GRAMD1C: variants seen among roughly 807,000 people sequenced by gnomAD.
GRAMD1C encodes the protein protein Aster-C.
A neutral mutation model predicts 97.8 loss-of-function variants in GRAMD1C; 89 were observed. The observed-to-expected ratio is 0.91, with a 90% CI of 0.77 to 1.09. GRAMD1C has a LOEUF of 1.09. GRAMD1C is among the 50% of genes least tolerant of loss of function. The probability of loss-of-function intolerance (pLI) is 0.00; values close to 1 mark genes in which losing one functional copy is unlikely to be tolerated. For missense variants in GRAMD1C, 740 were observed against 766.4 expected, an observed-to-expected ratio of 0.97 and a Z score of 0.41; for synonymous variants, 256 against 267.0, an observed-to-expected ratio of 0.96 and a Z score of 0.40.
intron 6 of GRAMD1C, chr3:113,885,733 A>G (rs1577163954): frequency 6.4e-7 from 1 of 1,565,618 alleles, no homozygotes; most frequent in East Asian, 2.2e-5. Flanking sequence ...GGTAAACTGG[A>G]CAATAGCAGA....
intron 2 of GRAMD1C, among the ~76,000 whole-genome samples, chr3:113,852,687 G>A (rs900449610): frequency 3.3e-5 from 5 of 152,188 alleles, no homozygotes; most frequent in African/African-American, 9.7e-5. Flanking sequence ...GTACCCGTGA[G>A]GAATTTGCTC....
intron 2 of GRAMD1C, among the ~76,000 whole-genome samples, chr3:113,865,724 C>T (rs928438898): frequency 6.6e-6 from 1 of 152,160 alleles, no homozygotes; most frequent in East Asian, 1.9e-4. Flanking sequence ...GACCTCCTCA[C>T]TGTATTATCA....
chr3:113,852,110 A>C (rs1933935323), intron 2 of GRAMD1C, among the ~76,000 whole-genome samples: 1 of 151,822 alleles, frequency 6.6e-6, no homozygotes, highest in African/African-American at 2.4e-5. Context: ...GTGGGGAATA[A>C]AACTGATTTT....
rs1034056871 is a variant in GRAMD1C at position 113,849,213 on chromosome 3, C to G, written c.174+4564C>G. Among the ~76,000 whole-genome samples, 59 of 151,928 alleles carry G rather than the reference C, an allele frequency of 3.9e-4. 2 individuals are homozygous for G. Among genetic ancestry groups the G allele is most frequent in the Non-Finnish European group, 1.3e-4 (9 of 67,980 alleles). On this transcript the variant is annotated intron_variant, in intron 2 of 17. Transcript: ENST00000358160. ...TTGTGTGTGTTCAGAAGATGACATA[C>G]TTACCTGGGATTTTTTAATAGAAGT... is the stretch of plus-strand genomic sequence containing the variant.
In GRAMD1C at chr3:113,885,878, C is replaced by G. The variant is rs985614877; in HGVS notation, c.540+3046C>G. 5 of 1,612,368 alleles carry G rather than the reference C, an allele frequency of 3.1e-6. No homozygotes were observed. In the African/African-American group the frequency reaches 6.7e-5, roughly 22 times the overall value. Reference sequence around the variant, plus strand: ...ATAACTCCCTAGGGGCTTACAGGAGCCATCCAGACAATGCCATCCCCATCA... The same window carrying G: ...ATAACTCCCTAGGGGCTTACAGGAGGCATCCAGACAATGCCATCCCCATCA... On this transcript the variant is annotated intron_variant, in intron 6 of 17. Transcript: ENST00000358160.
Position 113,838,834 on chromosome 3 carries a change from C to A in GRAMD1C, c.-76C>A. On this transcript the variant is annotated 5_prime_UTR_variant, in exon 1 of 18. Coordinates refer to ENST00000358160, the MANE Select transcript of GRAMD1C (RefSeq NM_017577.5). ...GGCGCGCGGAGCCTGTAACTCGCAG[C>A]GCGCGCTGGAGGTGGGCGCGGGGCG... 1 of 1,098,650 alleles carries A rather than the reference C, an allele frequency of 9.1e-7. No individual in the cohort carries two copies. The highest frequency in any genetic ancestry group is 1.2e-6 in the Non-Finnish European group (1 of 868,676). 68.1% of individuals were successfully genotyped at this position (1,098,650 alleles called of 1,614,324 possible). A position where few individuals can be genotyped will look rare whatever the true frequency, so the allele number is the denominator to read the frequency against.
chr3:113,918,327 C>G (rs558704728), intron 10 of GRAMD1C, among the ~76,000 whole-genome samples: 2 of 152,276 alleles, frequency 1.3e-5, no homozygotes, highest in South Asian at 4.1e-4. Context: ...GAACTGGATA[C>G]ATTATTTCCC....
At chr3:113,875,169 C>T (rs1934977696) in intron 3 of GRAMD1C, among the ~76,000 whole-genome samples, 1 of 152,098 alleles carries the variant, frequency 6.6e-6, no homozygotes. Flanking sequence ...CTGATGCACA[C>T]TCTCTGCCCT....
upstream of GRAMD1C, among the ~76,000 whole-genome samples, chr3:113,836,441 G>T (rs1041332624): frequency 1.1e-4 from 16 of 151,556 alleles, no homozygotes; most frequent in Admixed American, 3.3e-4. Flanking sequence ...AATAATTAAC[G>T]TTTCGCTATT....
At chr3:113,932,029 C>T (rs1300135101) in intron 11 of GRAMD1C, among the ~76,000 whole-genome samples, 1 of 152,164 alleles carries the variant, frequency 6.6e-6, no homozygotes, top group Non-Finnish European at 1.5e-5. Flanking sequence ...TAGATGGCTG[C>T]TTTGACACAT....
chr3:113,899,729 G>C (rs1936085810), intron 6 of GRAMD1C, among the ~76,000 whole-genome samples: 1 of 152,046 alleles, frequency 6.6e-6, no homozygotes, highest in African/African-American at 2.4e-5. Context: ...TTTTTCAACT[G>C]GAGGCCATTA....
intron 4 of GRAMD1C, chr3:113,875,941 T>C: frequency 2.2e-6 from 1 of 452,652 alleles, no homozygotes; most frequent in Non-Finnish European, 3.9e-6. Flanking sequence ...TTTATACTAA[T>C]GTTAGATAGA....
chr3:113,919,727 AT>A, intron 10 of GRAMD1C: 2 of 592,882 alleles, frequency 3.4e-6, no homozygotes, highest in Admixed American at 4.2e-5. Flanking sequence ...AGAAGTGGGC[AT>A]TGAAGATTGT....
At chr3:113,883,773 A>C (rs1378493091) in intron 6 of GRAMD1C, among the ~76,000 whole-genome samples, 2 of 152,150 alleles carry the variant, frequency 1.3e-5, no homozygotes, top group Admixed American at 1.3e-4. Flanking sequence ...ACAATCATAA[A>C]CATATATAGA....
intron 6 of GRAMD1C, among the ~76,000 whole-genome samples, chr3:113,885,103 C>T (rs1339594823): frequency 3.9e-5 from 6 of 152,116 alleles, no homozygotes; most frequent in East Asian, 1.9e-4. Flanking sequence ...ACGCCTGTCC[C>T]CCAGCTCCCC....
chr3:113,844,420 A>G (rs373447299), intron 1 of GRAMD1C, 83 bp from the exon 2 acceptor site: 3 of 878,804 alleles, frequency 3.4e-6, no homozygotes, highest in East Asian at 2.5e-5. Flanking sequence ...AAATTAATGT[A>G]TATGTTGTGA....
intron 10 of GRAMD1C, chr3:113,919,830 T>C (rs1936968817): frequency 1.6e-6 from 1 of 643,294 alleles, no homozygotes; most frequent in South Asian, 1.4e-5. Flanking sequence ...AGAATAAAAA[T>C]ACAACATATG....
chr3:113,901,210 C>A (rs1417515303), intron 7 of GRAMD1C, 64 bp downstream of exon 7: 6 of 855,886 alleles, frequency 7.0e-6, no homozygotes, highest in Non-Finnish European at 1.2e-5. Context: ...AATTATTTTA[C>A]ATTCGACTAA....
At chr3:113,941,884 G>A (rs1285935081) in intron 17 of GRAMD1C, among the ~76,000 whole-genome samples, 1 of 150,632 alleles carries the variant, frequency 6.6e-6, no homozygotes, top group Non-Finnish European at 1.5e-5. Context: ...CTCCCAAAGT[G>A]TTGGGATTAA....
Sources: gnomAD v4.1 joint callset for allele counts (sites outside exome capture counted in the v4.1 genomes callset) on GRCh38, gnomAD v4.1.1 for gene constraint, MANE v1.5 for transcripts, NCBI Gene and HGNC (gene_info 2026-07-23, HGNC 2026-07-21) for gene names.